Variants in VEZT observed in about 807,000 individuals in gnomAD.
VEZT encodes the protein vezatin, adherens junctions transmembrane protein.
VEZT carries 39 observed loss-of-function variants against 79.9 expected under a neutral mutation model. The ratio of observed to expected loss-of-function variants is 0.49; its 90% CI spans 0.38 to 0.64. The LOEUF is 0.64. VEZT is among the 30% of genes least tolerant of loss of function. The pLI, the probability that VEZT is intolerant of heterozygous loss-of-function variation, is 0.00. For synonymous variants in VEZT, 325 were observed against 327.6 expected (o/e 0.99, Z 0.09); for missense variants, 837 against 893.1 (o/e 0.94, Z 0.80).
intron 2 of VEZT, chr12:95,252,296 ATACAT>A (rs1403142708): frequency 2.7e-6 from 1 of 366,958 alleles, no homozygotes; most frequent in Non-Finnish European, 4.7e-6. Flanking sequence ...GAGAATTAAA[ATACAT>A]TACTTATTTA....
chr12:95,240,966 C>T (rs977079211), intron 1 of VEZT, among the ~76,000 whole-genome samples: 1 of 127,910 alleles, frequency 7.8e-6, no homozygotes, highest in Non-Finnish European at 1.7e-5. Context: ...TGAGCAGCAT[C>T]CCGATCTCTA....
intron 9 of VEZT, among the ~76,000 whole-genome samples, chr12:95,289,213 C>T (rs1315042861): frequency 6.6e-6 from 1 of 151,150 alleles, no homozygotes; most frequent in South Asian, 2.1e-4. Context: ...GTCAGGAGAT[C>T]GAGACCATCC....
intron 11 of VEZT, among the ~76,000 whole-genome samples, chr12:95,298,375 G>T (rs2139941994): frequency 6.6e-6 from 1 of 152,192 alleles, no homozygotes; most frequent in East Asian, 1.9e-4. Flanking sequence ...TTGATTTCCT[G>T]CAATCTGTTC....
At chr12:95,276,740 A>G (rs2067867806) in intron 7 of VEZT, among the ~76,000 whole-genome samples, 1 of 152,178 alleles carries the variant, frequency 6.6e-6, no homozygotes, top group Non-Finnish European at 1.5e-5. Context: ...TTGTTTTGAG[A>G]CTGTATTGAC....
chr12:95,272,142 C>T (rs1189225788), intron 6 of VEZT, among the ~76,000 whole-genome samples: 4 of 152,064 alleles, frequency 2.6e-5, no homozygotes, highest in African/African-American at 9.7e-5. Context: ...GCATTCCAGC[C>T]TGGGCAACAG....
rs534243143 is a variant in VEZT at position 95,250,541 on chromosome 12, G to C, written c.37-1399G>C. 4.9e-3 allele frequency among the ~76,000 whole-genome samples: 748 copies of C among 151,940 alleles called. 3 individuals are homozygous for C. Among genetic ancestry groups the C allele is most frequent in the Non-Finnish European group, 6.6e-3 (448 of 67,954 alleles). On this transcript the variant is annotated intron_variant, in intron 1 of 11. Coordinates refer to ENST00000436874, the MANE Select transcript of VEZT (RefSeq NM_017599.4). Reference sequence around the variant, plus strand: ...TGGTCTTGAACTCCTGACCTCAGATGATCTGCCTGCCTCAGCCTCCCAAAG... The same window carrying C: ...TGGTCTTGAACTCCTGACCTCAGATCATCTGCCTGCCTCAGCCTCCCAAAG...
intron 1 of VEZT, among the ~76,000 whole-genome samples, chr12:95,237,502 T>C (rs1057125313): frequency 1.6e-4 from 25 of 152,124 alleles, no homozygotes; most frequent in African/African-American, 5.8e-4. Flanking sequence ...TCCACTGATA[T>C]CACCAAACCA....
intron 1 of VEZT, chr12:95,245,450 G>C: frequency 2.2e-6 from 1 of 454,326 alleles, no homozygotes; most frequent in Non-Finnish European, 4.4e-6. Flanking sequence ...ATGAACCGTG[G>C]TTTTATCAGA....
At chr12:95,293,459 T>G (rs554079357) in intron 9 of VEZT, among the ~76,000 whole-genome samples, 1 of 152,360 alleles carries the variant, frequency 6.6e-6, no homozygotes, top group Non-Finnish European at 1.5e-5. Context: ...TGAGACTAAG[T>G]AACCCTGTCA....
At chr12:95,292,045 C>G (rs2072984289) in intron 9 of VEZT, among the ~76,000 whole-genome samples, 3 of 152,170 alleles carry the variant, frequency 2.0e-5, no homozygotes, top group African/African-American at 7.2e-5. Context: ...AGTGATCAGC[C>G]CATATCAGCC....
chr12:95,292,505 A>G (rs2073125666), intron 9 of VEZT, among the ~76,000 whole-genome samples: 1 of 151,876 alleles, frequency 6.6e-6, no homozygotes, highest in Non-Finnish European at 1.5e-5. Flanking sequence ...TAATCTTACA[A>G]GATAGTACTA....
At chr12:95,230,445 TC>T (rs905205240) in intron 1 of VEZT, among the ~76,000 whole-genome samples, 14 of 149,656 alleles carry the variant, frequency 9.4e-5, no homozygotes, top group African/African-American at 3.5e-4. Context: ...TGAGACAGTC[TC>T]ACTCTGTCAA....
In VEZT at chr12:95,302,618, CATA is replaced by C. The variant is rs1308688732; in HGVS notation, c.*1949_*1951del. 17 of 152,092 alleles carry C rather than the reference CATA, an allele frequency of 1.1e-4. No homozygotes were observed. Among genetic ancestry groups the C allele is most frequent in the African/African-American group, 3.6e-4 (15 of 41,500 alleles). 9.4% of individuals were successfully genotyped at this position (152,092 alleles called of 1,614,324 possible). A position where few individuals can be genotyped will look rare whatever the true frequency, so the allele number is the denominator to read the frequency against. On this transcript the variant is annotated 3_prime_UTR_variant, in exon 12 of 12. Coordinates refer to ENST00000436874, the MANE Select transcript of VEZT (RefSeq NM_017599.4). ...AAAAATTCCTGGAGTAATTTTCTCTCATAATATTTGAAGTCAGTGGTTCTCAGT... is the reference window on the plus strand; with the variant it reads ...AAAAATTCCTGGAGTAATTTTCTCTCATATTTGAAGTCAGTGGTTCTCAGT...
At chr12:95,285,171 C>A (rs2070382940) in intron 8 of VEZT, among the ~76,000 whole-genome samples, 1 of 151,914 alleles carries the variant, frequency 6.6e-6, no homozygotes, top group African/African-American at 2.4e-5. Flanking sequence ...CGGCCAGGCG[C>A]AATGGCTAAC....
chr12:95,233,709 G>T (rs551449882), intron 1 of VEZT, among the ~76,000 whole-genome samples: 5 of 152,148 alleles, frequency 3.3e-5, no homozygotes, highest in Middle Eastern at 6.8e-3. Flanking sequence ...GCCAATGTTG[G>T]TATATTTTCT....
intron 8 of VEZT, 149 bp downstream of exon 8, chr12:95,282,793 CAAA>C (rs35758106): frequency 8.0e-4 from 324 of 404,350 alleles, no homozygotes; most frequent in Middle Eastern, 2.6e-3. Flanking sequence ...ATAAATATAG[CAAA>C]AAAAAAAAAT....
intron 1 of VEZT, among the ~76,000 whole-genome samples, chr12:95,218,789 G>C (rs964234074): frequency 5.8e-4 from 88 of 152,222 alleles, no homozygotes; most frequent in Non-Finnish European, 2.9e-5. Flanking sequence ...TTCTGTTCTT[G>C]CGGCCTCCCA....
intron 1 of VEZT, among the ~76,000 whole-genome samples, chr12:95,223,552 G>A (rs1213001588): frequency 2.0e-5 from 3 of 152,186 alleles, no homozygotes; most frequent in African/African-American, 7.2e-5. Flanking sequence ...CTGGGTTCAA[G>A]CAATTCTCCT....
intron 3 of VEZT, 132 bp from the exon 4 acceptor site, chr12:95,262,774 G>T: frequency 2.7e-6 from 2 of 742,448 alleles, no homozygotes; most frequent in Non-Finnish European, 3.9e-6. Context: ...AAGGTAGATT[G>T]GACTGTTGTT....
Sources: allele counts gnomAD v4.1 joint callset (sites outside exome capture counted in the v4.1 genomes callset), GRCh38; gene constraint gnomAD v4.1.1; transcripts MANE v1.5; gene names NCBI Gene and HGNC (gene_info 2026-07-23, HGNC 2026-07-21).